CACNA1D: variants seen among roughly 807,000 people sequenced by gnomAD.
CACNA1D encodes calcium voltage-gated channel subunit alpha1 D.
In CACNA1D, 55 loss-of-function variants were observed where a neutral mutation model predicts 257.1. That is an observed-to-expected ratio of 0.21 (90% CI 0.17 to 0.27). The LOEUF (loss-of-function observed/expected upper bound fraction) is 0.27, where lower values mean the gene tolerates loss of function less well. Among genes scored for constraint, CACNA1D ranks in the 10% least tolerant of loss-of-function variants. CACNA1D has a pLI of 1.00. For synonymous variants in CACNA1D, 980 were observed against 1,014.9 expected, an observed-to-expected ratio of 0.97 and a Z score of 0.65; for missense variants, 1,876 against 2,784.0, an observed-to-expected ratio of 0.67 and a Z score of 7.34.
At chr3:53,617,864 G>T (rs1029913548) in intron 3 of CACNA1D, among the ~76,000 whole-genome samples, 5 of 152,160 alleles carry the variant, frequency 3.3e-5, no homozygotes, top group Non-Finnish European at 7.4e-5. Flanking sequence ...AGTGGAAAGA[G>T]CCCTGGACTT....
chr3:53,703,714 C>T (rs996273386), intron 9 of CACNA1D, among the ~76,000 whole-genome samples: 2 of 152,182 alleles, frequency 1.3e-5, no homozygotes, highest in African/African-American at 2.4e-5. Context: ...TAGAAGATGG[C>T]CGAGCAAGTC....
chr3:53,727,066 A>G (rs1222549890), intron 15 of CACNA1D, 67 bp downstream of exon 15: 18 of 1,587,472 alleles, frequency 1.1e-5, no homozygotes, highest in African/African-American at 6.7e-5. Flanking sequence ...CTTCCTCTGC[A>G]TTTCTCTGTG....
chr3:53,597,360 G>C lies in CACNA1D; in HGVS notation c.484-53419G>C, dbSNP rs141245151. ...AGCAGGTTGATGGGAGCATGTTACT[G>C]ACTAGGATTGCAGGAGCTCAGAGGG... On this transcript the variant is annotated intron_variant, in intron 3 of 47. Transcript: ENST00000350061. Among the ~76,000 whole-genome samples, 17 of 152,326 alleles carry C rather than the reference G, an allele frequency of 1.1e-4. No individual in the cohort carries two copies. The East Asian group carries it at 3.1e-3, about 28-fold the overall frequency.
intron 8 of CACNA1D, among the ~76,000 whole-genome samples, chr3:53,682,685 AT>A (rs1165985238): frequency 1.3e-5 from 2 of 152,192 alleles, no homozygotes; most frequent in East Asian, 3.8e-4. Context: ...TCCTAATAAA[AT>A]GTTGGGAAAA....
intron 3 of CACNA1D, among the ~76,000 whole-genome samples, chr3:53,646,676 G>C (rs2612020): frequency 0.11 from 17,448 of 152,152 alleles, 1,367 homozygotes; most frequent in African/African-American, 0.23. Flanking sequence ...AAGCCTTGGG[G>C]CACATGGGTG....
intron 3 of CACNA1D, among the ~76,000 whole-genome samples, chr3:53,581,757 T>C (rs1231287160): frequency 6.6e-6 from 1 of 152,190 alleles, no homozygotes; most frequent in Non-Finnish European, 1.5e-5. Context: ...CTCAGAAATG[T>C]GCTGTTGTCT....
At chr3:53,674,838 G>A (rs1313307021) in intron 8 of CACNA1D, among the ~76,000 whole-genome samples, 9 of 152,290 alleles carry the variant, frequency 5.9e-5, no homozygotes, top group Admixed American at 5.2e-4. Flanking sequence ...ACTGCGCTGC[G>A]CCCAGGCACC....
intron 32 of CACNA1D, among the ~76,000 whole-genome samples, chr3:53,772,543 C>T (rs1170852319): frequency 2.0e-5 from 3 of 152,196 alleles, no homozygotes; most frequent in Non-Finnish European, 2.9e-5. Flanking sequence ...ATGAGAGTTA[C>T]GTGTCTGTGT....
intron 3 of CACNA1D, among the ~76,000 whole-genome samples, chr3:53,647,945 C>T (rs967323197): frequency 6.6e-6 from 1 of 152,040 alleles, no homozygotes; most frequent in East Asian, 1.9e-4. Context: ...AAAGAGAAAC[C>T]AAATTCTTTA....
intron 3 of CACNA1D, among the ~76,000 whole-genome samples, chr3:53,514,593 C>T (rs59210575): frequency 1.3e-5 from 2 of 152,302 alleles, no homozygotes; most frequent in South Asian, 2.1e-4. Flanking sequence ...GGTGTTATCA[C>T]AGGCCCTGGC....
chr3:53,729,730 C>T (rs938530243), intron 15 of CACNA1D, among the ~76,000 whole-genome samples: 3 of 152,128 alleles, frequency 2.0e-5, no homozygotes, highest in Non-Finnish European at 4.4e-5. Context: ...CTGCAATGAG[C>T]CTCGGGAAGC....
chr3:53,725,783 T>C (rs945034383), intron 14 of CACNA1D, among the ~76,000 whole-genome samples: 1 of 152,246 alleles, frequency 6.6e-6, no homozygotes, highest in African/African-American at 2.4e-5. Context: ...TTTTGTTTGG[T>C]TGTGATCCAT....
At chr3:53,744,065 G>A (rs1437096062) in intron 22 of CACNA1D, among the ~76,000 whole-genome samples, 1 of 152,140 alleles carries the variant, frequency 6.6e-6, no homozygotes, top group Non-Finnish European at 1.5e-5. Flanking sequence ...GCCACACTCA[G>A]CCACCTAGGG....
chr3:53,588,195 C>A (rs550829275), intron 3 of CACNA1D, among the ~76,000 whole-genome samples: 1 of 152,310 alleles, frequency 6.6e-6, no homozygotes, highest in East Asian at 1.9e-4. Context: ...TGGTGTTTCT[C>A]CCTGAAGCCC....
chr3:53,623,092 C>T (rs1184468327), intron 3 of CACNA1D, among the ~76,000 whole-genome samples: 1 of 152,160 alleles, frequency 6.6e-6, no homozygotes, highest in Non-Finnish European at 1.5e-5. Flanking sequence ...GGGGTTTCAC[C>T]GTGTTAACCA....
chr3:53,809,536 A>G (rs1431403687), intron 46 of CACNA1D: 2 of 263,968 alleles, frequency 7.6e-6, no homozygotes, highest in Non-Finnish European at 1.5e-5. Flanking sequence ...GCACATGCCA[A>G]ATGCCGGCTC....
chr3:53,667,788 C>T (rs1389973566), intron 7 of CACNA1D, among the ~76,000 whole-genome samples: 1 of 151,980 alleles, frequency 6.6e-6, no homozygotes, highest in Non-Finnish European at 1.5e-5. Context: ...TTTCCTACTT[C>T]CCTTTCTTTT....
intron 3 of CACNA1D, among the ~76,000 whole-genome samples, chr3:53,623,043 C>T (rs1228485893): frequency 1.3e-5 from 2 of 152,140 alleles, no homozygotes; most frequent in East Asian, 1.9e-4. Flanking sequence ...AGGCGCTCGC[C>T]AACACGTTTG....
At chr3:53,683,589 T>A (rs774395450) in intron 8 of CACNA1D, among the ~76,000 whole-genome samples, 25 of 152,192 alleles carry the variant, frequency 1.6e-4, no homozygotes, top group Non-Finnish European at 2.9e-4. Flanking sequence ...GAGGGAAAAG[T>A]CGATAGAAAC....
Sources: gnomAD v4.1 joint callset for allele counts (sites outside exome capture counted in the v4.1 genomes callset) on GRCh38, gnomAD v4.1.1 for gene constraint, MANE v1.5 for transcripts, NCBI Gene and HGNC (gene_info 2026-07-23, HGNC 2026-07-21) for gene names.